MICU2: variants seen among roughly 807,000 people sequenced by gnomAD.
MICU2 encodes the protein mitochondrial calcium uptake 2.
Under a neutral mutation model 60.4 loss-of-function variants are expected in MICU2, and 64 were observed. The ratio of observed to expected loss-of-function variants is 1.06; its 90% CI spans 0.87 to 1.31. The LOEUF is 1.31. Among genes scored for constraint, MICU2 ranks in the 50% most tolerant of loss-of-function variants. The pLI is 0.00. For missense variants in MICU2, 569 were observed against 531.0 expected (o/e 1.07, Z -0.70); for synonymous variants, 201 against 175.0 (o/e 1.15, Z -1.17).
At chr13:21,522,739 A>C in intron 4 of MICU2, 89 bp from the exon 5 acceptor site, 1 of 982,508 alleles carries the variant, frequency 1.0e-6, no homozygotes, top group Non-Finnish European at 1.5e-6. Flanking sequence ...CCTAATTAAA[A>C]AACAATTTTA....
At position 21,575,720 on chromosome 13, in the gene MICU2, ACT is replaced by A. The variant is rs1285885340; in HGVS notation, c.211-8778_211-8777del. On this transcript the variant is annotated intron_variant, in intron 1 of 11. Coordinates refer to ENST00000382374, the MANE Select transcript of MICU2 (RefSeq NM_152726.3). ...ACTCCAGCCTGAGCGACAGAGTGAG[ACT>A]CTGTCTCAAAAAAAAAAAAAAAAAA... 2.3e-3 allele frequency among the ~76,000 whole-genome samples: 241 copies of A among 104,550 alleles called. 2 individuals are homozygous for A. The highest frequency in any genetic ancestry group is 3.1e-3 in the Non-Finnish European group (174 of 55,612). 68.6% of individuals were successfully genotyped at this position (104,550 alleles called of 152,430 possible).
intron 1 of MICU2, among the ~76,000 whole-genome samples, chr13:21,576,319 T>C (rs1422869250): frequency 6.6e-6 from 1 of 152,148 alleles, no homozygotes; most frequent in Non-Finnish European, 1.5e-5. Flanking sequence ...AACAAGGAAC[T>C]TCTGTGATAT....
intron 9 of MICU2, among the ~76,000 whole-genome samples, chr13:21,502,101 AATTAG>A (rs1053195268): frequency 6.6e-6 from 1 of 152,172 alleles, no homozygotes; most frequent in African/African-American, 2.4e-5. Flanking sequence ...GATGTCTTAT[AATTAG>A]ATAAGTTTTC....
chr13:21,563,615 C>T (rs1316822181), intron 2 of MICU2, among the ~76,000 whole-genome samples: 3 of 151,896 alleles, frequency 2.0e-5, no homozygotes, highest in Non-Finnish European at 4.4e-5. Flanking sequence ...TTCTTTTCCT[C>T]TTTCTTTTTT....
intron 8 of MICU2, among the ~76,000 whole-genome samples, chr13:21,507,415 T>C (rs1162843711): frequency 6.6e-6 from 1 of 152,128 alleles, no homozygotes; most frequent in Non-Finnish European, 1.5e-5. Context: ...GATAATAGCT[T>C]TCCTTGTTTT....
chr13:21,494,716 CAG>C lies in MICU2; in HGVS notation c.1200+443_1200+444del, dbSNP rs1362068599. ...TTTTTTTTCCCTTTTTTTGTAGAAA[CAG>C]AGTCTCATGATGTTATCCACGCTGG... On this transcript the variant is annotated intron_variant, in intron 11 of 11. Coordinates refer to ENST00000382374, the MANE Select transcript of MICU2 (RefSeq NM_152726.3). 4.6e-5 allele frequency among the ~76,000 whole-genome samples: 7 copies of C among 151,970 alleles called. No individual in the cohort carries two copies. In the East Asian group the frequency reaches 9.7e-4, roughly 21 times the overall value.
At chr13:21,545,370 A>G (rs1164126673) in intron 2 of MICU2, among the ~76,000 whole-genome samples, 1 of 152,218 alleles carries the variant, frequency 6.6e-6, no homozygotes, top group Non-Finnish European at 1.5e-5. Context: ...ATTCTCACTG[A>G]TATGTGGAAG....
chr13:21,601,831 C>T (rs1344863295), intron 1 of MICU2, among the ~76,000 whole-genome samples: 1 of 151,890 alleles, frequency 6.6e-6, no homozygotes, highest in African/African-American at 2.4e-5. Flanking sequence ...TTTGGCCGGG[C>T]GCTGTGGCTC....
intron 7 of MICU2, among the ~76,000 whole-genome samples, chr13:21,512,445 A>ATTTTTTT (rs139822285): frequency 6.4e-5 from 8 of 125,234 alleles, no homozygotes; most frequent in Admixed American, 8.6e-5. Context: ...CAAATTTTTA[A>ATTTTTTT]TTTTTTTTTT....
At chr13:21,526,211 C>G (rs1055051959) in intron 4 of MICU2, among the ~76,000 whole-genome samples, 2 of 149,916 alleles carry the variant, frequency 1.3e-5, no homozygotes, top group Non-Finnish European at 3.0e-5. Flanking sequence ...GCCTCAGCCT[C>G]CCAAAGTGCT....
At chr13:21,549,889 G>C (rs12877509) in intron 2 of MICU2, among the ~76,000 whole-genome samples, 56,574 of 151,956 alleles carry the variant, frequency 0.37, 10,598 homozygotes, top group South Asian at 0.4. Context: ...TTTGCTTACA[G>C]TTGGCTAATT....
At chr13:21,599,033 G>A (rs1218974307) in intron 1 of MICU2, among the ~76,000 whole-genome samples, 3 of 152,018 alleles carry the variant, frequency 2.0e-5, no homozygotes, top group Non-Finnish European at 2.9e-5. Context: ...TGATAGGAGC[G>A]CAAAACCTAC....
intron 1 of MICU2, among the ~76,000 whole-genome samples, chr13:21,570,883 CT>C (rs1391609982): frequency 2.0e-5 from 3 of 152,140 alleles, no homozygotes; most frequent in Middle Eastern, 3.2e-3. Context: ...AATTTATAGC[CT>C]AGGGAAATGC....
intron 2 of MICU2, among the ~76,000 whole-genome samples, chr13:21,553,694 A>G (rs1163027410): frequency 4.6e-5 from 7 of 152,200 alleles, no homozygotes; most frequent in Non-Finnish European, 1.0e-4. Context: ...TACTAACCTT[A>G]AATGTAAATG....
intron 1 of MICU2, among the ~76,000 whole-genome samples, chr13:21,569,053 G>T (rs971269260): frequency 2.6e-5 from 4 of 152,018 alleles, no homozygotes; most frequent in African/African-American, 9.7e-5. Context: ...CCCCTGTAGC[G>T]AACAAGAAAA....
chr13:21,539,333 TCCACAGCCAG>T lies in MICU2; in HGVS notation c.425_434del (p.Ala142AspfsTer13), dbSNP rs1887217463. 14 of 1,613,988 alleles carry T rather than the reference TCCACAGCCAG, an allele frequency of 8.7e-6. No individual in the cohort carries two copies. Among genetic ancestry groups the T allele is most frequent in the Non-Finnish European group, 1.2e-5 (14 of 1,180,002 alleles). ...CGCCAAGGTCTCTGAAAAAAGTTGA[TCCACAGCCAG>T]CTGTTTGGATCCCTGACAGTGTATC... is the stretch of plus-strand genomic sequence containing the variant. On this transcript the variant is annotated frameshift_variant, in exon 4 of 12. Coordinates refer to ENST00000382374, the MANE Select transcript of MICU2 (RefSeq NM_152726.3). LOFTEE classifies it high-confidence loss of function.
intron 5 of MICU2, among the ~76,000 whole-genome samples, chr13:21,522,110 T>A (rs962763622): frequency 2.0e-5 from 3 of 152,244 alleles, no homozygotes; most frequent in Admixed American, 6.5e-5. Flanking sequence ...GAAATTAACA[T>A]GGCACAGCAT....
intron 8 of MICU2, 31 bp from the exon 9 acceptor site, chr13:21,503,128 A>G (rs374979910): frequency 3.3e-6 from 5 of 1,513,272 alleles, no homozygotes; most frequent in Admixed American, 1.9e-5. Flanking sequence ...TTAGTAAGGT[A>G]ACTAGTGGCA....
At chr13:21,569,669 T>C (rs1346446292) in intron 1 of MICU2, among the ~76,000 whole-genome samples, 2 of 151,612 alleles carry the variant, frequency 1.3e-5, no homozygotes, top group Non-Finnish European at 2.9e-5. Context: ...TATTATATAT[T>C]AATATATAAT....
Sources: gnomAD v4.1 joint callset for allele counts (sites outside exome capture counted in the v4.1 genomes callset) on GRCh38, gnomAD v4.1.1 for gene constraint, MANE v1.5 for transcripts, NCBI Gene and HGNC (gene_info 2026-07-23, HGNC 2026-07-21) for gene names.